Variants in SYNE1 observed in about 807,000 individuals in gnomAD.
SYNE1 encodes the protein spectrin repeat containing nuclear envelope protein 1, also known as nesprin-1.
In SYNE1, 616 loss-of-function variants were observed where a neutral mutation model predicts 1,111.0. That is an observed-to-expected ratio of 0.55 (90% CI 0.52 to 0.59). The LOEUF is 0.59. Ranked by LOEUF, SYNE1 falls within the 20% of genes least tolerant of loss-of-function variation. SYNE1 has a pLI of 0.00. For synonymous variants in SYNE1, 3,855 were observed against 3,825.8 expected (o/e 1.01, Z -0.28); for missense variants, 10,006 against 10,417.0 (o/e 0.96, Z 1.72).
chr6:152,224,381 A>T (rs1588172593), intron 117 of SYNE1, 113 bp downstream of exon 117: 2 of 1,003,204 alleles, frequency 2.0e-6, no homozygotes, highest in Middle Eastern at 2.2e-4. Flanking sequence ...CTTAAAAAAT[A>T]ATTAAACGTA....
chr6:152,457,347 T>C (rs1419139888), intron 22 of SYNE1, among the ~76,000 whole-genome samples: 3 of 152,200 alleles, frequency 2.0e-5, no homozygotes, highest in African/African-American at 7.2e-5. Flanking sequence ...GATCTGAATA[T>C]CTGTCAGACT....
chr6:152,221,150 T>C (rs2153464264), intron 118 of SYNE1, 104 bp from the exon 119 acceptor site: 1 of 1,245,906 alleles, frequency 8.0e-7, no homozygotes, highest in Non-Finnish European at 1.1e-6. Context: ...AATATAGACA[T>C]AATCATTTCT....
chr6:152,390,384 G>C lies in SYNE1; in HGVS notation c.8073C>G (p.Ala2691=), dbSNP rs760381824. 1.6e-5 allele frequency: 26 copies of C among 1,613,944 alleles called. No homozygotes were observed. Among genetic ancestry groups the C allele is most frequent in the Non-Finnish European group, 8.5e-7 (1 of 1,180,014 alleles). Reference sequence around the variant, plus strand: ...GACCTTCTTTGTTGCTACTTCTCAAGGCCTGTTCCCCCTTGCCAATGGCCA... The same window carrying C: ...GACCTTCTTTGTTGCTACTTCTCAACGCCTGTTCCCCCTTGCCAATGGCCA... ...LNMAIGKGEQ[A]LRSSNKEGQR... Residue 2691 remains alanine (A), a synonymous_variant, in exon 53 of 146, where the codon GCC becomes GCG. Coordinates refer to ENST00000367255, the MANE Select transcript of SYNE1 (RefSeq NM_182961.4).
rs528333803 is a variant in SYNE1 at position 152,484,149 on chromosome 6, C to T, written c.1185+686G>A. ...ATTGCTTGAGCCAAGGAGGTTGAAG[C>T]TGCAGTGAGCTGTGATTGTGCCACT... is the stretch of plus-strand genomic sequence containing the variant. On this transcript the variant is annotated intron_variant, in intron 13 of 145. Coordinates refer to ENST00000367255, the MANE Select transcript of SYNE1 (RefSeq NM_182961.4). Among the ~76,000 whole-genome samples the T allele has an allele frequency of 4.7e-3, 717 of 151,564 alleles. 2 individuals carry two copies. The highest frequency in any genetic ancestry group is 6.8e-3 in the Middle Eastern group (2 of 292).
intron 3 of SYNE1, among the ~76,000 whole-genome samples, chr6:152,587,942 C>A (rs550874410): frequency 6.6e-6 from 1 of 152,282 alleles, no homozygotes; most frequent in East Asian, 1.9e-4. Context: ...GTAAGAGGGA[C>A]AGTCACCTTG....
intron 112 of SYNE1, among the ~76,000 whole-genome samples, chr6:152,233,487 G>A (rs1445925576): frequency 2.0e-5 from 3 of 152,068 alleles, no homozygotes; most frequent in Non-Finnish European, 4.4e-5. Flanking sequence ...GCCACGCCAG[G>A]CTAATTTTTT....
intron 130 of SYNE1, among the ~76,000 whole-genome samples, chr6:152,173,022 T>TG (rs1412864455): frequency 1.3e-5 from 2 of 152,230 alleles, no homozygotes; most frequent in African/African-American, 4.8e-5. Context: ...GACTGCTGTA[T>TG]TACATACAGC....
intron 12 of SYNE1, among the ~76,000 whole-genome samples, chr6:152,486,218 A>G (rs973226861): frequency 1.3e-5 from 2 of 151,028 alleles, no homozygotes; most frequent in South Asian, 2.1e-4. Flanking sequence ...ATTAAAAAAA[A>G]CAACAAAAAA....
chr6:152,541,191 G>A (rs182581270), intron 3 of SYNE1, among the ~76,000 whole-genome samples: 123 of 152,282 alleles, frequency 8.1e-4, no homozygotes, highest in Admixed American at 1.8e-3. Flanking sequence ...CAGGAACAGC[G>A]TTGAATCTGT....
chr6:152,139,604 G>A (rs1274856020), intron 140 of SYNE1, among the ~76,000 whole-genome samples: 2 of 141,634 alleles, frequency 1.4e-5, no homozygotes, highest in East Asian at 4.3e-4. Context: ...AGGAAGGGAG[G>A]GAGGGGGGAG....
chr6:152,378,999 A>C (rs1192163601), intron 56 of SYNE1, among the ~76,000 whole-genome samples: 1 of 152,194 alleles, frequency 6.6e-6, no homozygotes, highest in Non-Finnish European at 1.5e-5. Flanking sequence ...AATTCCAAAC[A>C]CTAAACTAGG....
At chr6:152,512,106 G>A (rs1157308806) in intron 6 of SYNE1, among the ~76,000 whole-genome samples, 4 of 152,002 alleles carry the variant, frequency 2.6e-5, no homozygotes, top group African/African-American at 9.7e-5. Context: ...TTAAATTTGT[G>A]TCAGATGCAA....
intron 141 of SYNE1, 114 bp from the exon 142 acceptor site, chr6:152,135,346 G>A: frequency 8.7e-7 from 1 of 1,155,908 alleles, no homozygotes; most frequent in Non-Finnish European, 1.2e-6. Context: ...GAACATACAT[G>A]CAACTCCTTT....
chr6:152,311,725 G>A (rs976386870), intron 87 of SYNE1, among the ~76,000 whole-genome samples: 1 of 152,136 alleles, frequency 6.6e-6, no homozygotes, highest in African/African-American at 2.4e-5. Context: ...GGTGTGTAAT[G>A]TGTAAAGAGG....
At chr6:152,232,345 A>G (rs568984955) in intron 112 of SYNE1, 80 bp from the exon 113 acceptor site, 1 of 1,433,368 alleles carries the variant, frequency 7.0e-7, no homozygotes, top group Admixed American at 1.7e-5. Context: ...ACCCTACAAT[A>G]ATTCTTAAAA....
chr6:152,611,035 A>G (rs1048129508), intron 3 of SYNE1, among the ~76,000 whole-genome samples: 20 of 152,234 alleles, frequency 1.3e-4, no homozygotes, highest in African/African-American at 4.6e-4. Flanking sequence ...CAGCCACTGT[A>G]AAAACATGCC....
chr6:152,323,407 C>T, intron 82 of SYNE1, 71 bp downstream of exon 82: 2 of 1,592,578 alleles, frequency 1.3e-6, no homozygotes, highest in Non-Finnish European at 1.7e-6. Flanking sequence ...CATTTGCACT[C>T]CAGCCTGGGC....
chr6:152,385,906 A>AG lies in SYNE1; in HGVS notation c.8488-69dup, dbSNP rs1279425175. On this transcript the variant is annotated intron_variant, in intron 54 of 145. Transcript: ENST00000367255. ...AGAACATGAACTCAGGTAAGACAACAGGCCTGATAGAGGTCTCTTAACACA... is the reference window on the plus strand; with the variant it reads ...AGAACATGAACTCAGGTAAGACAACAGGGCCTGATAGAGGTCTCTTAACACA... 6.1e-6 allele frequency: 9 copies of AG among 1,480,356 alleles called. No homozygotes were observed. The African/African-American group carries it at 9.7e-5, about 16-fold the overall frequency. 91.7% of individuals were successfully genotyped at this position (1,480,356 alleles called of 1,614,324 possible). A position where few individuals can be genotyped will look rare whatever the true frequency, so the allele number is the denominator to read the frequency against.
rs1563454968 is a variant in SYNE1 at position 152,201,912 on chromosome 6, A to T, written c.23057T>A (p.Leu7686Gln). The T allele has an allele frequency of 1.2e-6, 2 of 1,613,974 alleles. No homozygotes were observed. The highest frequency in any genetic ancestry group is 1.7e-6 in the Non-Finnish European group (2 of 1,179,844). The change falls in exon 127 of 146, where the codon CTG becomes CAG. Residue 7686 changes from leucine to glutamine, a missense_variant. By Grantham distance (113) the Leu-to-Gln change is moderately radical (BLOSUM62 -2). This residue lies in a region of SYNE1 where 2,182 missense variants were observed against 2,287.8 expected (regional missense o/e 0.95). Coordinates refer to ENST00000367255, the MANE Select transcript of SYNE1 (RefSeq NM_182961.4). ...CTTTTTGAAAGTTCGTAGTTTCTCCAGGGAATCTGCTATTCCTTTCTCACA... is the reference window on the plus strand; with the variant it reads ...CTTTTTGAAAGTTCGTAGTTTCTCCTGGGAATCTGCTATTCCTTTCTCACA... ...EKCEKGIADS[L>Q]EKLRTFKKKL...
Sources: gnomAD v4.1 joint callset for allele counts (sites outside exome capture counted in the v4.1 genomes callset) on GRCh38, gnomAD v4.1.1 for gene constraint, gnomAD v4.1.1 regional missense constraint, MANE v1.5 for transcripts, NCBI Gene and HGNC (gene_info 2026-07-23, HGNC 2026-07-21) for gene names.